Variants in SLC17A9 observed in about 807,000 individuals in gnomAD.
SLC17A9 encodes the protein solute carrier family 17 member 9.
In SLC17A9, 49 loss-of-function variants were observed where a neutral mutation model predicts 55.0. That is an observed-to-expected ratio of 0.89 (90% CI 0.71 to 1.13). The LOEUF is 1.13. Among genes scored for constraint, SLC17A9 ranks in the 50% most tolerant of loss-of-function variants. SLC17A9 has a pLI of 0.00. For synonymous variants in SLC17A9, 256 were observed against 247.4 expected (o/e 1.03, Z -0.32); for missense variants, 526 against 569.3 (o/e 0.92, Z 0.77).
chr20:62,960,092 G>T (rs1290235983), intron 3 of SLC17A9, among the ~76,000 whole-genome samples: 1 of 152,280 alleles, frequency 6.6e-6, no homozygotes. Flanking sequence ...GCGTATGCGT[G>T]TATCTGCATC....
At position 62,962,886 on chromosome 20, in the gene SLC17A9, G is replaced by A. The variant is rs1290079909; in HGVS notation, c.628+132G>A. The A allele has an allele frequency of 7.5e-7, 1 of 1,336,174 alleles. No individual in the cohort carries two copies. The highest frequency in any genetic ancestry group is 1.0e-6 in the Non-Finnish European group (1 of 981,460). The allele number at this position is 1,336,174 out of a possible 1,614,324, so 82.8% of individuals were successfully genotyped here. A position where few individuals can be genotyped will look rare whatever the true frequency, so the allele number is the denominator to read the frequency against. On this transcript the variant is annotated intron_variant, in intron 5 of 12. Transcript: ENST00000370351. This position sits in a 1 kb window ranked among gnomAD's most constrained non-coding sequence, Gnocchi z 5.5. ...CTTTGACCTCCCAAAGAATCCGCCA[G>A]TGAGGAAAAGCGCTCGGGTGCTGAG...
chr20:62,955,355 C>T (rs1051460318), intron 1 of SLC17A9, among the ~76,000 whole-genome samples: 5 of 152,182 alleles, frequency 3.3e-5, no homozygotes, highest in African/African-American at 7.2e-5. Flanking sequence ...ACCATGTGGG[C>T]GAGGCTGGTC....
At chr20:62,956,346 C>T (rs6062384) in intron 1 of SLC17A9, among the ~76,000 whole-genome samples, 68,475 of 152,030 alleles carry the variant, frequency 0.45, 16,668 homozygotes, top group East Asian at 0.75. Context: ...CGGGGTGCAG[C>T]CAGCTCCCCG....
chr20:62,957,686 G>A (rs1164351521), intron 3 of SLC17A9, 106 bp downstream of exon 3: 7 of 1,023,180 alleles, frequency 6.8e-6, no homozygotes, highest in African/African-American at 5.0e-5. Flanking sequence ...TGCAGGTGGT[G>A]TACAAGTGTG....
rs985682482 is a variant in SLC17A9, at chr20:62,962,340, G to C, written c.498-284G>C. The C allele has an allele frequency of 1.0e-5, 3 of 298,712 alleles. No individual in the cohort carries two copies. The highest frequency in any genetic ancestry group is 6.6e-5 in the African/African-American group (3 of 45,484). The allele number at this position is 298,712 out of a possible 1,614,324, so 18.5% of individuals were successfully genotyped here. On this transcript the variant is annotated intron_variant, in intron 4 of 12. Coordinates refer to ENST00000370351, the MANE Select transcript of SLC17A9 (RefSeq NM_022082.4). The surrounding 1 kb of genome is among the most constrained non-coding windows in gnomAD (Gnocchi z 5.5). Reference sequence around the variant, plus strand: ...GGCCAATTGGAAGGCCTAGAAGCAAGATGTGAAAAACAATGTGAGTTCCAC... The same window carrying C: ...GGCCAATTGGAAGGCCTAGAAGCAACATGTGAAAAACAATGTGAGTTCCAC...
At chr20:62,967,295 C>T in intron 12 of SLC17A9, 42 bp from the exon 13 acceptor site, 1 of 1,607,744 alleles carries the variant, frequency 6.2e-7, no homozygotes, top group South Asian at 1.1e-5. Context: ...GGGGCCTGGG[C>T]TGCCCGGGAG....
intron 9 of SLC17A9, 122 bp from the exon 10 acceptor site, chr20:62,965,488 G>A (rs1173986595): frequency 2.2e-6 from 2 of 911,342 alleles, no homozygotes; most frequent in Admixed American, 2.1e-5. Context: ...AGAAGTTTGT[G>A]GTCGCAGCCA....
In SLC17A9 at chr20:62,952,838, C is replaced by T; in HGVS notation, c.8C>T (p.Pro3Leu). 6.5e-7 allele frequency: 1 copy of T among 1,533,244 alleles called. No homozygotes were observed. The highest frequency in any genetic ancestry group is 8.7e-7 in the Non-Finnish European group (1 of 1,144,518). The allele number at this position is 1,533,244 out of a possible 1,614,324, so 95.0% of individuals were successfully genotyped here. ...CTGAGCACCCCAAGCCCGATGCAGC[C>T]ACCCCCAGACGAGGCCCGCAGGGAC... Reference protein sequence around the residue: MQPPPDEARRDMA... With the variant: MQLPPDEARRDMA... Residue 3 changes from proline (P) to leucine (L), a missense_variant, in exon 1 of 13, where the codon CCA becomes CTA. Physicochemically the swap from Pro to Leu is moderately conservative, Grantham distance 98. Transcript: ENST00000370351.
intron 3 of SLC17A9, 144 bp downstream of exon 3, chr20:62,957,724 G>A (rs560673390): frequency 1.1e-5 from 7 of 629,892 alleles, no homozygotes; most frequent in Non-Finnish European, 1.2e-5. Flanking sequence ...GCGTGCATGC[G>A]TGCACCTGTG....
Position 62,968,485 on chromosome 20 carries a change from A to G in SLC17A9, c.*985A>G, listed in dbSNP as rs2065659283. On this transcript the variant is annotated 3_prime_UTR_variant, in exon 13 of 13. Transcript: ENST00000370351. ...CGTTGCCTGAGGAGCTGGTGGTTTC[A>G]TGAGTTAATGATACATCTTGCAAGG... 6.6e-6 allele frequency: 1 copy of G among 152,266 alleles called. No homozygotes were observed. Among genetic ancestry groups the G allele is most frequent in the South Asian group, 2.1e-4 (1 of 4,832 alleles). The allele number at this position is 152,266 out of a possible 1,614,324, so 9.4% of individuals were successfully genotyped here.
intron 10 of SLC17A9, 90 bp downstream of exon 10, chr20:62,965,815 C>G (rs1336077285): frequency 2.4e-6 from 3 of 1,230,750 alleles, no homozygotes; most frequent in South Asian, 1.3e-5. Context: ...GTCCGCCTCT[C>G]TCAGTCTCTT....
intron 1 of SLC17A9, among the ~76,000 whole-genome samples, chr20:62,953,674 GTACC>G (rs1424771117): frequency 6.6e-6 from 1 of 152,240 alleles, no homozygotes; most frequent in African/African-American, 2.4e-5. Context: ...AGTCCCCAGG[GTACC>G]TACCCTGACC....
chr20:62,956,810 C>A lies in SLC17A9; in HGVS notation c.105C>A (p.Cys35Ter). ...CGGGGACGCTGCTGCTGGGCACATGCCTTCTGTACTGCGCCCGCTCCAGCA... is the reference window on the plus strand; with the variant it reads ...CGGGGACGCTGCTGCTGGGCACATGACTTCTGTACTGCGCCCGCTCCAGCA... The part of the protein sequence containing the change: ...AWTGTLLLGT[C>*]LLYCARSSMP... Residue 35 changes from cysteine to a stop codon, truncating the protein, a stop_gained, in exon 2 of 13, where the codon TGC becomes TGA. Coordinates refer to ENST00000370351, the MANE Select transcript of SLC17A9 (RefSeq NM_022082.4). LOFTEE classifies it high-confidence loss of function. The A allele has an allele frequency of 6.2e-7, 1 of 1,612,924 alleles. No individual in the cohort carries two copies. The highest frequency in any genetic ancestry group is 8.5e-7 in the Non-Finnish European group (1 of 1,179,898).
rs778185586 is a variant in SLC17A9 at position 62,963,657 on chromosome 20, G to C, written c.799G>C (p.Glu267Gln). 1.2e-6 allele frequency: 2 copies of C among 1,600,970 alleles called. No individual in the cohort carries two copies. The highest frequency in any genetic ancestry group is 1.3e-5 in the African/African-American group (1 of 74,932). ...ILLSWLPTFF[E>Q]ETFPDAKGWI... ...CCTCTCCTGGCTGCCCACCTTCTTC[G>C]AGGAGACCTTCCCCGACGCCAAGGT... Residue 267 changes from glutamate to glutamine, a missense_variant, in exon 7 of 13, where the codon GAG (glutamate) becomes CAG (glutamine). Coordinates refer to ENST00000370351, the MANE Select transcript of SLC17A9 (RefSeq NM_022082.4).
intron 3 of SLC17A9, 77 bp from the exon 4 acceptor site, chr20:62,960,427 A>T: frequency 7.2e-7 from 1 of 1,383,368 alleles, no homozygotes; most frequent in Non-Finnish European, 1.0e-6. Flanking sequence ...CTGGAATCAC[A>T]GCCCAAACCT....
intron 1 of SLC17A9, among the ~76,000 whole-genome samples, chr20:62,954,687 G>A (rs1037707166): frequency 6.6e-6 from 1 of 152,232 alleles, no homozygotes; most frequent in Non-Finnish European, 1.5e-5. Context: ...CTCCCCGGCA[G>A]CTGTGGAGGG....
chr20:62,969,512 C>T lies in SLC17A9; in HGVS notation c.*2012C>T, dbSNP rs192701362. On this transcript the variant is annotated 3_prime_UTR_variant, in exon 13 of 13. Coordinates refer to ENST00000370351, the MANE Select transcript of SLC17A9 (RefSeq NM_022082.4). ...TTACTTCACTCAGCAGAGTGTCCTT[C>T]GGTTTTATCAGTTTTGTCACAAGTG... The T allele has an allele frequency of 7.9e-5, 12 of 152,290 alleles. No individual in the cohort carries two copies. The East Asian group carries it at 1.7e-3, about 22-fold the overall frequency. 9.4% of individuals were successfully genotyped at this position (152,290 alleles called of 1,614,324 possible).
At position 62,967,145 on chromosome 20, in the gene SLC17A9, G is replaced by T. The variant is rs2065648090; in HGVS notation, c.1148-192G>T. On this transcript the variant is annotated intron_variant, in intron 12 of 12. Coordinates refer to ENST00000370351, the MANE Select transcript of SLC17A9 (RefSeq NM_022082.4). The stretch of plus-strand genomic sequence containing the variant: ...TTTCTGGATGGCCTGTGAGATCTCT[G>T]CCCCTCCAAGACCCTCCAAGTCTGA... 30 of 652,366 alleles carry T rather than the reference G, an allele frequency of 4.6e-5. 1 individual carries two copies. The South Asian group carries it at 5.9e-4, about 13-fold the overall frequency. 40.4% of individuals were successfully genotyped at this position (652,366 alleles called of 1,614,324 possible). A position where few individuals can be genotyped will look rare whatever the true frequency, so the allele number is the denominator to read the frequency against.
In SLC17A9 at chr20:62,958,433, G is replaced by A. The variant is rs931725762; in HGVS notation, c.397+853G>A. Among the ~76,000 whole-genome samples the A allele has an allele frequency of 3.9e-5, 6 of 151,960 alleles. No individual in the cohort carries two copies. The highest frequency in any genetic ancestry group is 7.4e-5 in the Non-Finnish European group (5 of 67,948). On this transcript the variant is annotated intron_variant, in intron 3 of 12. Transcript: ENST00000370351. The surrounding 1 kb of genome is among the most constrained non-coding windows in gnomAD (Gnocchi z 4.1). ...AGAACAAGGTGGGTGGGGGGGCCAA[G>A]GGGGCTTTGAGGGGCCCCTACTTGG...
Sources: allele counts gnomAD v4.1 joint callset (sites outside exome capture counted in the v4.1 genomes callset), GRCh38; gene constraint gnomAD v4.1.1; non-coding constraint Gnocchi (gnomAD v3.1); transcripts MANE v1.5; gene names NCBI Gene and HGNC (gene_info 2026-07-23, HGNC 2026-07-21).